The following TMEM163 variants were observed in gnomAD, a reference collection of about 807,000 sequenced individuals.
TMEM163 encodes the protein transmembrane protein 163.
A neutral mutation model predicts 29.3 loss-of-function variants in TMEM163; 17 were observed. That is an observed-to-expected ratio of 0.58 (90% confidence interval 0.40 to 0.87). TMEM163 has a LOEUF of 0.87. Ranked by LOEUF, TMEM163 falls within the 40% of genes least tolerant of loss-of-function variation. The probability of loss-of-function intolerance (pLI) is 0.00; values close to 1 mark genes in which losing one functional copy is unlikely to be tolerated. For missense variants in TMEM163, 303 were observed against 381.5 expected (o/e 0.79, Z 1.71); for synonymous variants, 157 against 160.6 (o/e 0.98, Z 0.17).
At chr2:134,698,617 T>C (rs1405017281) in intron 2 of TMEM163, among the ~76,000 whole-genome samples, 2 of 152,276 alleles carry the variant, frequency 1.3e-5, no homozygotes, top group Non-Finnish European at 1.5e-5. Flanking sequence ...TTTACAGTTT[T>C]TTTCTGTTTC....
chr2:134,695,880 G>A (rs536228359), intron 2 of TMEM163, among the ~76,000 whole-genome samples: 1 of 152,078 alleles, frequency 6.6e-6, no homozygotes, highest in African/African-American at 2.4e-5. Context: ...GCGAAACCCC[G>A]TCTCTACTAA....
rs985538517 is a variant in TMEM163, at chr2:134,646,084, G to A, written c.322+67116C>T. ...AACATAGTCTCAATGTGTAACTTGCGGAATGGCTTTTTTTTTTTTTTAGAC... is the reference window on the plus strand; with the variant it reads ...AACATAGTCTCAATGTGTAACTTGCAGAATGGCTTTTTTTTTTTTTTAGAC... On this transcript the variant is annotated intron_variant, in intron 2 of 7. Transcript: ENST00000281924. Among the ~76,000 whole-genome samples, 134 of 151,204 alleles carry A rather than the reference G, an allele frequency of 8.9e-4. 2 individuals carry two copies. The highest frequency in any genetic ancestry group is 7.9e-3 in the Admixed American group (120 of 15,156).
intron 2 of TMEM163, among the ~76,000 whole-genome samples, chr2:134,576,753 A>T (rs985441421): frequency 6.6e-6 from 1 of 152,172 alleles, no homozygotes; most frequent in Non-Finnish European, 1.5e-5. Flanking sequence ...CAAACTTGGC[A>T]CCTTGCAGAC....
intron 4 of TMEM163, among the ~76,000 whole-genome samples, chr2:134,527,156 T>TA (rs1213480049): frequency 2.0e-5 from 3 of 152,230 alleles, no homozygotes; most frequent in Non-Finnish European, 2.9e-5. Flanking sequence ...ATAACTAGGA[T>TA]AAAATCTCAT....
At chr2:134,531,907 G>C (rs569355626) in intron 4 of TMEM163, among the ~76,000 whole-genome samples, 297 of 152,254 alleles carry the variant, frequency 2.0e-3, no homozygotes, top group Admixed American at 3.9e-3. Flanking sequence ...ATTCTGCCTT[G>C]GTCTTTCAGG....
chr2:134,617,439 A>T (rs1368755049), intron 2 of TMEM163, among the ~76,000 whole-genome samples: 2 of 152,084 alleles, frequency 1.3e-5, no homozygotes, highest in African/African-American at 4.8e-5. Flanking sequence ...GTACTCTACT[A>T]AAAAAGTACA....
At position 134,623,660 on chromosome 2, in the gene TMEM163, G is replaced by A. The variant is rs563890810; in HGVS notation, c.323-71569C>T. Among the ~76,000 whole-genome samples the A allele has an allele frequency of 4.6e-5, 7 of 152,188 alleles. No homozygotes were observed. In the East Asian group the frequency reaches 1.2e-3, roughly 25 times the overall value. ...CAGGTGCCTATAATCCCAGCTACTC[G>A]GGGGGCTGAGGCAGGAGAACAGCTT... On this transcript the variant is annotated intron_variant, in intron 2 of 7. Coordinates refer to ENST00000281924, the MANE Select transcript of TMEM163 (RefSeq NM_030923.5).
intron 2 of TMEM163, among the ~76,000 whole-genome samples, chr2:134,707,775 A>G (rs1489601218): frequency 1.3e-5 from 2 of 152,044 alleles, no homozygotes; most frequent in Non-Finnish European, 1.5e-5. Context: ...GGAGTTGTCA[A>G]TGAGGAGGCT....
chr2:134,572,734 A>G (rs772223071), intron 2 of TMEM163, among the ~76,000 whole-genome samples: 10 of 152,172 alleles, frequency 6.6e-5, no homozygotes, highest in Non-Finnish European at 1.5e-4. Flanking sequence ...AATTCGGAAG[A>G]CTGTGTGCTT....
At chr2:134,543,314 T>C (rs12469390) in intron 4 of TMEM163, among the ~76,000 whole-genome samples, 19,167 of 152,206 alleles carry the variant, frequency 0.13, 2,674 homozygotes, top group African/African-American at 0.34. Flanking sequence ...CCTGCTGAAA[T>C]GGCTCCACCT....
intron 4 of TMEM163, among the ~76,000 whole-genome samples, chr2:134,518,244 A>G (rs1273603073): frequency 6.6e-6 from 1 of 152,234 alleles, no homozygotes; most frequent in African/African-American, 2.4e-5. Context: ...TTTCACCTAG[A>G]AGGGCGAGTT....
chr2:134,624,702 A>G (rs911001087), intron 2 of TMEM163, among the ~76,000 whole-genome samples: 1 of 152,168 alleles, frequency 6.6e-6, no homozygotes, highest in African/African-American at 2.4e-5. Context: ...TGAGGCCAGG[A>G]GTTCAAGACC....
intron 4 of TMEM163, 46 bp from the exon 5 acceptor site, chr2:134,503,043 C>G: frequency 6.5e-7 from 1 of 1,530,476 alleles, no homozygotes; most frequent in Non-Finnish European, 8.9e-7. Flanking sequence ...AGAACTCACA[C>G]TGCTGAAGAG....
intron 2 of TMEM163, among the ~76,000 whole-genome samples, chr2:134,633,232 A>T (rs1683021081): frequency 6.6e-6 from 1 of 152,168 alleles, no homozygotes; most frequent in African/African-American, 2.4e-5. Flanking sequence ...GAAAGAGGCT[A>T]TTATATTGGT....
intron 4 of TMEM163, among the ~76,000 whole-genome samples, chr2:134,533,564 C>T (rs669759): frequency 0.74 from 112,417 of 152,150 alleles, 43,725 homozygotes; most frequent in East Asian, 0.99. Flanking sequence ...ATCAATGAGA[C>T]GAATGAAAAT....
intron 2 of TMEM163, among the ~76,000 whole-genome samples, chr2:134,576,847 C>T (rs1406875608): frequency 6.6e-6 from 1 of 152,198 alleles, no homozygotes; most frequent in Non-Finnish European, 1.5e-5. Flanking sequence ...AGGTGGGGAA[C>T]AACCCTTTTA....
chr2:134,549,381 T>C (rs1680860086), intron 4 of TMEM163, among the ~76,000 whole-genome samples: 1 of 152,212 alleles, frequency 6.6e-6, no homozygotes, highest in Non-Finnish European at 1.5e-5. Flanking sequence ...AAAGTCTCGC[T>C]CTGTTGCCCA....
At chr2:134,561,924 A>T (rs1364774310) in intron 2 of TMEM163, among the ~76,000 whole-genome samples, 1 of 152,214 alleles carries the variant, frequency 6.6e-6, no homozygotes, top group Admixed American at 6.5e-5. Flanking sequence ...CAATTTGATA[A>T]AACATACATT....
intron 2 of TMEM163, among the ~76,000 whole-genome samples, chr2:134,589,204 A>G (rs562274852): frequency 6.6e-6 from 1 of 152,296 alleles, no homozygotes; most frequent in East Asian, 1.9e-4. Context: ...AGAGAAGGTA[A>G]TGTTCAAGAA....
Sources: allele counts gnomAD v4.1 joint callset (sites outside exome capture counted in the v4.1 genomes callset), GRCh38; gene constraint gnomAD v4.1.1; transcripts MANE v1.5; gene names NCBI Gene and HGNC (gene_info 2026-07-23, HGNC 2026-07-21).